CNTNAP5: variants seen among roughly 807,000 people sequenced by gnomAD.
CNTNAP5 encodes contactin associated protein family member 5.
CNTNAP5 carries 72 observed loss-of-function variants against 150.2 expected under a neutral mutation model. That is an observed-to-expected ratio of 0.48 (90% CI 0.40 to 0.58). CNTNAP5 has a LOEUF of 0.58. Ranked by LOEUF, CNTNAP5 falls within the 20% of genes least tolerant of loss-of-function variation. The pLI is 0.00. For synonymous variants in CNTNAP5, 672 were observed against 619.8 expected (o/e 1.08, Z -1.25); for missense variants, 1,636 against 1,626.2 (o/e 1.01, Z -0.10).
chr2:124,060,568 C>T lies in CNTNAP5; in HGVS notation c.82+34836C>T, dbSNP rs572304283. On this transcript the variant is annotated intron_variant, in intron 1 of 23. Coordinates refer to ENST00000682447, the MANE Select transcript of CNTNAP5 (RefSeq NM_001367498.1). The stretch of plus-strand genomic sequence containing the variant: ...TATACCCGTATGGGCCTTTATGGAC[C>T]TCCTTAGGTGGAGAAGGGCCTGCCA... Among the ~76,000 whole-genome samples the T allele has an allele frequency of 1.5e-3, 221 of 152,286 alleles. 1 individual carries two copies. The highest frequency in any genetic ancestry group is 5.1e-3 in the African/African-American group (212 of 41,548).
intron 2 of CNTNAP5, among the ~76,000 whole-genome samples, chr2:124,226,880 C>G (rs1316517992): frequency 2.0e-5 from 3 of 152,032 alleles, no homozygotes; most frequent in African/African-American, 7.2e-5. Flanking sequence ...TCAGGTCCCT[C>G]TCCTTCATCT....
At chr2:124,607,507 C>T (rs1439004900) in intron 11 of CNTNAP5, among the ~76,000 whole-genome samples, 2 of 152,054 alleles carry the variant, frequency 1.3e-5, no homozygotes, top group Admixed American at 1.3e-4. Flanking sequence ...TTAGAGCAAG[C>T]CAGTAAGTCC....
chr2:124,448,796 A>G (rs946695295), intron 6 of CNTNAP5, among the ~76,000 whole-genome samples: 2 of 152,264 alleles, frequency 1.3e-5, no homozygotes, highest in African/African-American at 2.4e-5. Context: ...AAAGCATTCT[A>G]TAAAACTCAA....
At chr2:124,358,514 G>T (rs1690091659) in intron 3 of CNTNAP5, among the ~76,000 whole-genome samples, 2 of 152,244 alleles carry the variant, frequency 1.3e-5, no homozygotes, top group East Asian at 3.9e-4. Flanking sequence ...TTAGCATGAA[G>T]GGTTGTTGAA....
At chr2:124,051,992 A>C (rs935443045) in intron 1 of CNTNAP5, among the ~76,000 whole-genome samples, 2 of 152,218 alleles carry the variant, frequency 1.3e-5, no homozygotes, top group Non-Finnish European at 2.9e-5. Flanking sequence ...CTACTAGAAA[A>C]GTAGAATAAA....
chr2:124,806,248 G>A lies in CNTNAP5; in HGVS notation c.3217+7928G>A, dbSNP rs558733967. 3.9e-5 allele frequency among the ~76,000 whole-genome samples: 6 copies of A among 152,172 alleles called. No individual in the cohort carries two copies. The South Asian group carries it at 6.2e-4, about 16-fold the overall frequency. On this transcript the variant is annotated intron_variant, in intron 19 of 23. Transcript: ENST00000682447. Reference sequence around the variant, plus strand: ...TTAATGTATTTTGAATCTAGTAGGAGGAGAAGTTACATATACAGTGAGAGG... The same window carrying A: ...TTAATGTATTTTGAATCTAGTAGGAAGAGAAGTTACATATACAGTGAGAGG...
At chr2:124,215,417 A>G (rs1448165068) in intron 1 of CNTNAP5, among the ~76,000 whole-genome samples, 1 of 152,170 alleles carries the variant, frequency 6.6e-6, no homozygotes, top group Non-Finnish European at 1.5e-5. Context: ...AGCTGTGTAG[A>G]TATCATATTT....
At chr2:124,377,567 C>T (rs1240485324) in intron 3 of CNTNAP5, among the ~76,000 whole-genome samples, 1 of 151,538 alleles carries the variant, frequency 6.6e-6, no homozygotes, top group African/African-American at 2.4e-5. Flanking sequence ...CCTAGCTACT[C>T]AGGAGGCTGA....
At chr2:124,567,969 C>A (rs1044547923) in intron 11 of CNTNAP5, among the ~76,000 whole-genome samples, 1 of 152,004 alleles carries the variant, frequency 6.6e-6, no homozygotes, top group African/African-American at 2.4e-5. Context: ...AACATTGAGG[C>A]CCAGAAAGCT....
chr2:124,210,113 T>G (rs1685968578), intron 1 of CNTNAP5, among the ~76,000 whole-genome samples: 1 of 152,230 alleles, frequency 6.6e-6, no homozygotes, highest in Non-Finnish European at 1.5e-5. Context: ...TCAGTCATCT[T>G]TCTTATTTCC....
intron 19 of CNTNAP5, among the ~76,000 whole-genome samples, chr2:124,854,840 G>A (rs7571244): frequency 0.071 from 10,765 of 152,200 alleles, 1,156 homozygotes; most frequent in African/African-American, 0.23. Flanking sequence ...TGGCAATATG[G>A]TGAAAAGAAA....
At chr2:124,608,109 C>T (rs1452574574) in intron 11 of CNTNAP5, among the ~76,000 whole-genome samples, 2 of 152,170 alleles carry the variant, frequency 1.3e-5, no homozygotes, top group African/African-American at 4.8e-5. Flanking sequence ...TGACAAACTG[C>T]AGCTTCCTCT....
intron 3 of CNTNAP5, among the ~76,000 whole-genome samples, chr2:124,274,919 T>G (rs112796351): frequency 0.09 from 13,640 of 152,188 alleles, 695 homozygotes; most frequent in Non-Finnish European, 0.12. Context: ...TTCATGCTAC[T>G]GATAAAGACA....
intron 2 of CNTNAP5, among the ~76,000 whole-genome samples, chr2:124,237,198 G>A (rs909865638): frequency 2.6e-5 from 4 of 152,140 alleles, no homozygotes; most frequent in Admixed American, 6.5e-5. Context: ...TGTGTATGAC[G>A]CTTTCAACTC....
At chr2:124,818,460 T>G (rs73955838) in intron 19 of CNTNAP5, among the ~76,000 whole-genome samples, 35,251 of 151,474 alleles carry the variant, frequency 0.23, 4,896 homozygotes, top group African/African-American at 0.39. Flanking sequence ...CCAAGGGGGG[T>G]TTGCATGGCT....
chr2:124,670,175 T>TCCTTCCTTCCTCCCTC (rs1441589633), intron 13 of CNTNAP5, among the ~76,000 whole-genome samples: 1 of 136,396 alleles, frequency 7.3e-6, no homozygotes, highest in East Asian at 2.1e-4. Flanking sequence ...CTTCCTTCCT[T>TCCTTCCTTCCTCCCTC]CCTCCCTCTC....
rs1340739011 is a variant in CNTNAP5 at position 124,918,813 on chromosome 2, G to T, written c.*4525G>T. On this transcript the variant is annotated 3_prime_UTR_variant, in exon 24 of 24. Transcript: ENST00000682447. Reference sequence around the variant, plus strand: ...ACTAAATAAATAAACTGACTTCATTGTTTCTGAAGATGGCAAAGGCGATTA... The same window carrying T: ...ACTAAATAAATAAACTGACTTCATTTTTTCTGAAGATGGCAAAGGCGATTA... 1.3e-5 allele frequency among the ~76,000 whole-genome samples: 2 copies of T among 152,096 alleles called. No individual in the cohort carries two copies. The highest frequency in any genetic ancestry group is 2.4e-5 in the African/African-American group (1 of 41,442).
intron 19 of CNTNAP5, among the ~76,000 whole-genome samples, chr2:124,864,571 TC>T (rs1182485874): frequency 7.9e-5 from 4 of 50,778 alleles, no homozygotes; most frequent in African/African-American, 6.3e-4. Flanking sequence ...TCTCTCTGTG[TC>T]TCACACACAC....
At chr2:124,076,487 C>A (rs2104669968) in intron 1 of CNTNAP5, among the ~76,000 whole-genome samples, 1 of 152,222 alleles carries the variant, frequency 6.6e-6, no homozygotes, top group South Asian at 2.1e-4. Context: ...CTGATTATGG[C>A]AATTTGGTTG....
Sources: gnomAD v4.1 joint callset for allele counts (sites outside exome capture counted in the v4.1 genomes callset) on GRCh38, gnomAD v4.1.1 for gene constraint, MANE v1.5 for transcripts, NCBI Gene and HGNC (gene_info 2026-07-23, HGNC 2026-07-21) for gene names.